Variants in COBLL1 observed in about 807,000 individuals in gnomAD.
The protein encoded by COBLL1 is cordon-bleu WH2 repeat protein like 1.
Under a neutral mutation model 94.8 loss-of-function variants are expected in COBLL1, and 50 were observed. The ratio of observed to expected loss-of-function variants is 0.53; its 90% CI spans 0.42 to 0.67. The LOEUF is 0.67. Ranked by LOEUF, COBLL1 falls within the 30% of genes least tolerant of loss-of-function variation. The pLI is 0.00. For missense variants in COBLL1, 1,362 were observed against 1,348.7 expected, an observed-to-expected ratio of 1.01 and a Z score of -0.15; for synonymous variants, 448 against 473.8, an observed-to-expected ratio of 0.95 and a Z score of 0.71.
In COBLL1 at chr2:164,700,695, C is replaced by A; in HGVS notation, c.1287G>T (p.Val429=). 1 of 1,613,488 alleles carries A rather than the reference C, an allele frequency of 6.2e-7. No homozygotes were observed. Among genetic ancestry groups the A allele is most frequent in the Non-Finnish European group, 8.5e-7 (1 of 1,179,574 alleles). ...EIDEKEELSE[V]PKVEAENISP... ...AAATATTTTCAGCTTCAACTTTAGGCACTTCACTCAGTTCTTCCTTTTCAT... is the reference window on the plus strand; with the variant it reads ...AAATATTTTCAGCTTCAACTTTAGGAACTTCACTCAGTTCTTCCTTTTCAT... The change falls in exon 10 of 14, where the codon GTG becomes GTT. Residue 429 remains valine (V), a synonymous_variant. Coordinates refer to ENST00000652658, the MANE Select transcript of COBLL1 (RefSeq NM_001365672.2).
At chr2:164,773,748 A>T (rs1220483778) in intron 2 of COBLL1, 26 of 1,297,354 alleles carry the variant, frequency 2.0e-5, no homozygotes, top group Non-Finnish European at 2.6e-5. Flanking sequence ...TTGTTCCTCT[A>T]GCGCTTTACT....
Position 164,722,183 on chromosome 2 carries a change from T to C in COBLL1, c.888A>G (p.Pro296=). The change falls in exon 7 of 14, where the codon CCA becomes CCG. Residue 296 remains proline (P), a synonymous_variant. Coordinates refer to ENST00000652658, the MANE Select transcript of COBLL1 (RefSeq NM_001365672.2). ...PSDAPKKRRA[P]LPPMPASQSV... ...TCTGAGATGCTGGCATCGGGGGCAGTGGAGCCCGCCTCTTCTTGGGTGCAT... is the reference window on the plus strand; with the variant it reads ...TCTGAGATGCTGGCATCGGGGGCAGCGGAGCCCGCCTCTTCTTGGGTGCAT... 1 of 1,614,108 alleles carries C rather than the reference T, an allele frequency of 6.2e-7. No individual in the cohort carries two copies. Among genetic ancestry groups the C allele is most frequent in the Admixed American group, 1.7e-5 (1 of 60,010 alleles).
intron 2 of COBLL1, among the ~76,000 whole-genome samples, chr2:164,835,989 C>A (rs1683300296): frequency 6.6e-6 from 1 of 152,048 alleles, no homozygotes; most frequent in African/African-American, 2.4e-5. Context: ...TGAAGTTTGG[C>A]ATTTATTATT....
chr2:164,723,065 A>G (rs960602809), intron 5 of COBLL1: 6 of 152,220 alleles, frequency 3.9e-5, no homozygotes, highest in Admixed American at 2.6e-4. Flanking sequence ...CCCAGAGGAC[A>G]TTTGACAAAG....
chr2:164,672,357 G>C (rs1410537555), intron 1 of COBLL1, among the ~76,000 whole-genome samples: 1 of 152,174 alleles, frequency 6.6e-6, no homozygotes, highest in Non-Finnish European at 1.5e-5. Context: ...CACTTAAATA[G>C]AATCTAGACT....
chr2:164,832,991 C>G (rs181925068), intron 2 of COBLL1, among the ~76,000 whole-genome samples: 3 of 151,756 alleles, frequency 2.0e-5, no homozygotes, highest in Non-Finnish European at 4.4e-5. Context: ...TGTGGTGAGC[C>G]GAGATAGCGC....
At chr2:164,830,197 T>C (rs528863057) in intron 2 of COBLL1, among the ~76,000 whole-genome samples, 8 of 152,368 alleles carry the variant, frequency 5.3e-5, no homozygotes, top group East Asian at 1.9e-4. Flanking sequence ...TTTAATACCA[T>C]TGGTATTTGT....
Position 164,685,936 on chromosome 2 carries a change from AG to A in COBLL1, c.*9del. 6.4e-7 allele frequency: 1 copy of A among 1,563,242 alleles called. No individual in the cohort carries two copies. Among genetic ancestry groups the A allele is most frequent in the Non-Finnish European group, 8.8e-7 (1 of 1,135,750 alleles). ...TGGAAGTGAAGTGCAGTGGTGTGGCAGGGTAACATTTAATGGCCGTCCTGGG... is the reference window on the plus strand; with the variant it reads ...TGGAAGTGAAGTGCAGTGGTGTGGCAGGTAACATTTAATGGCCGTCCTGGG... On this transcript the variant is annotated 3_prime_UTR_variant, in exon 14 of 14. Transcript: ENST00000652658.
At chr2:164,718,122 G>A in intron 7 of COBLL1, 1 of 347,488 alleles carries the variant, frequency 2.9e-6, no homozygotes, top group African/African-American at 2.2e-5. Context: ...CGATATAAGT[G>A]TGACACATTC....
intron 2 of COBLL1, among the ~76,000 whole-genome samples, chr2:164,795,019 T>C (rs1683371155): frequency 6.6e-6 from 1 of 152,232 alleles, no homozygotes; most frequent in Admixed American, 6.5e-5. Flanking sequence ...CTTATCACAA[T>C]GACCATTCTT....
chr2:164,814,518 A>G (rs143103706), intron 2 of COBLL1, among the ~76,000 whole-genome samples: 19 of 152,208 alleles, frequency 1.2e-4, no homozygotes, highest in African/African-American at 4.3e-4. Context: ...TAAATCAACT[A>G]AAATTTTCCA....
At chr2:164,819,856 C>T (rs1201576674) in intron 2 of COBLL1, among the ~76,000 whole-genome samples, 1 of 151,372 alleles carries the variant, frequency 6.6e-6, no homozygotes, top group Non-Finnish European at 1.5e-5. Flanking sequence ...GACAGAGTCT[C>T]ACTCTGTTGC....
At chr2:164,670,447 T>C (rs1358985444) in intron 1 of COBLL1, among the ~76,000 whole-genome samples, 1 of 152,212 alleles carries the variant, frequency 6.6e-6, no homozygotes, top group Non-Finnish European at 1.5e-5. Context: ...ATAGCATTTC[T>C]AGCTAACAAT....
chr2:164,750,034 G>A (rs1476178351), intron 2 of COBLL1, among the ~76,000 whole-genome samples: 2 of 152,152 alleles, frequency 1.3e-5, no homozygotes, highest in Non-Finnish European at 2.9e-5. Context: ...GGGCAACCCA[G>A]GGTCCATTCT....
intron 2 of COBLL1, among the ~76,000 whole-genome samples, chr2:164,814,802 G>GA (rs1454474472): frequency 6.6e-6 from 1 of 152,046 alleles, no homozygotes; most frequent in African/African-American, 2.4e-5. Context: ...CTCAACTTTA[G>GA]AAAAAATGTA....
In COBLL1 at chr2:164,680,722, T is replaced by C. The variant is rs901708104; in HGVS notation, c.*5224A>G. Reference sequence around the variant, plus strand: ...GATAAACAATATAAAAATATAAGTATATCCCAAATATTGTATGGGATATGC... The same window carrying C: ...GATAAACAATATAAAAATATAAGTACATCCCAAATATTGTATGGGATATGC... On this transcript the variant is annotated 3_prime_UTR_variant, in exon 14 of 14. Transcript: ENST00000652658. The C allele has an allele frequency of 2.0e-5, 3 of 152,148 alleles. No individual in the cohort carries two copies. The highest frequency in any genetic ancestry group is 7.2e-5 in the African/African-American group (3 of 41,426). The allele number at this position is 152,148 out of a possible 1,614,324, so 9.4% of individuals were successfully genotyped here. A position where few individuals can be genotyped will look rare whatever the true frequency, so the allele number is the denominator to read the frequency against.
downstream of COBLL1, among the ~76,000 whole-genome samples, chr2:164,675,297 C>T (rs186738182): frequency 9.9e-5 from 15 of 152,252 alleles, no homozygotes; most frequent in Non-Finnish European, 2.1e-4. Context: ...ATATTGATTT[C>T]CTTTCTTCTA....
chr2:164,724,952 TA>T (rs1258934782), intron 5 of COBLL1: 1 of 151,862 alleles, frequency 6.6e-6, no homozygotes, highest in African/African-American at 2.4e-5. Flanking sequence ...TGCTAGCAAC[TA>T]ATAATAACGA....
intron 13 of COBLL1, among the ~76,000 whole-genome samples, chr2:164,690,205 C>T (rs1683519324): frequency 6.6e-6 from 1 of 151,970 alleles, no homozygotes; most frequent in Admixed American, 6.6e-5. Context: ...GTGAAAAATG[C>T]TCGTCATGAA....
Sources: allele counts gnomAD v4.1 joint callset (sites outside exome capture counted in the v4.1 genomes callset), GRCh38; gene constraint gnomAD v4.1.1; transcripts MANE v1.5; gene names NCBI Gene and HGNC (gene_info 2026-07-23, HGNC 2026-07-21).